The following MEGF9 variants were observed in gnomAD, a reference collection of about 807,000 sequenced individuals.
MEGF9 encodes multiple epidermal growth factor-like domains protein 9.
A neutral mutation model predicts 46.8 loss-of-function variants in MEGF9; 6 were observed. The ratio of observed to expected loss-of-function variants is 0.13; its 90% CI spans 0.07 to 0.25. The LOEUF (loss-of-function observed/expected upper bound fraction) is 0.25. Among genes scored for constraint, MEGF9 ranks in the 10% least tolerant of loss-of-function variants. The pLI is 1.00. For missense variants in MEGF9, 683 were observed against 792.4 expected (o/e 0.86, Z 1.66); for synonymous variants, 302 against 330.7 (o/e 0.91, Z 0.94).
chr9:120,607,346 C>T (rs2043423857), intron 5 of MEGF9, among the ~76,000 whole-genome samples: 1 of 152,208 alleles, frequency 6.6e-6, no homozygotes, highest in South Asian at 2.1e-4. Context: ...GAATGAACTC[C>T]AGCTTCTCAG....
chr9:120,674,623 C>T (rs1036566922), intron 1 of MEGF9, among the ~76,000 whole-genome samples: 3 of 152,116 alleles, frequency 2.0e-5, no homozygotes, highest in African/African-American at 2.4e-5. Context: ...GGCTGGAGTG[C>T]AGTGGCATGA....
chr9:120,709,990 G>A (rs2043945814), intron 1 of MEGF9, among the ~76,000 whole-genome samples: 1 of 143,392 alleles, frequency 7.0e-6, no homozygotes, highest in Non-Finnish European at 1.5e-5. Context: ...GGAGGTTGCA[G>A]TGAGCCAATC....
chr9:120,621,609 T>A (rs2043499558), intron 3 of MEGF9, among the ~76,000 whole-genome samples: 2 of 152,220 alleles, frequency 1.3e-5, no homozygotes, highest in Admixed American at 1.3e-4. Flanking sequence ...TTTAGTCAAG[T>A]CTTTCTAAGT....
chr9:120,634,689 A>G (rs1564416946), intron 2 of MEGF9, among the ~76,000 whole-genome samples: 3 of 151,998 alleles, frequency 2.0e-5, no homozygotes, highest in Admixed American at 1.3e-4. Flanking sequence ...CAGCCAGTCC[A>G]TATCTTTTAA....
intron 2 of MEGF9, among the ~76,000 whole-genome samples, chr9:120,648,119 C>T (rs2043633541): frequency 6.6e-6 from 1 of 151,924 alleles, no homozygotes; most frequent in Admixed American, 6.6e-5. Flanking sequence ...TTGCCTGAGC[C>T]CACTCTTTCT....
chr9:120,607,246 A>G (rs1344686318), intron 5 of MEGF9, among the ~76,000 whole-genome samples: 1 of 152,198 alleles, frequency 6.6e-6, no homozygotes, highest in Non-Finnish European at 1.5e-5. Context: ...TGCCATGTGG[A>G]TAACTTTTGC....
rs181844674 is a variant in MEGF9 at position 120,680,773 on chromosome 9, C to A, written c.602-21198G>T. Among the ~76,000 whole-genome samples, 388 of 152,146 alleles carry A rather than the reference C, an allele frequency of 2.6e-3. 1 individual carries two copies. Among genetic ancestry groups the A allele is most frequent in the Non-Finnish European group, 4.0e-3 (274 of 67,972 alleles). ...ACAATACAAAGTCCTTCTCACTCTT[C>A]CCCCCTTTCCACAGGCACAGGAGCC... is the stretch of plus-strand genomic sequence containing the variant. On this transcript the variant is annotated intron_variant, in intron 1 of 5. Coordinates refer to ENST00000373930, the MANE Select transcript of MEGF9 (RefSeq NM_001080497.3).
chr9:120,679,311 CAT>C (rs2043787755), intron 1 of MEGF9, among the ~76,000 whole-genome samples: 1 of 152,140 alleles, frequency 6.6e-6, no homozygotes, highest in African/African-American at 2.4e-5. Context: ...ATGATGAGTT[CAT>C]GTCCTTTGTA....
Position 120,602,562 on chromosome 9 carries a change from G to A in MEGF9, c.*2628C>T, listed in dbSNP as rs75066080. On this transcript the variant is annotated 3_prime_UTR_variant, in exon 6 of 6. Coordinates refer to ENST00000373930, the MANE Select transcript of MEGF9 (RefSeq NM_001080497.3). ...TCCCATTGAGAAAAATTATAACCAT[G>A]ATCTAGGAGCCATTAACAAGTATTT... The A allele has an allele frequency of 1.7e-3, 261 of 152,234 alleles. No individual in the cohort carries two copies. Among genetic ancestry groups the A allele is most frequent in the African/African-American group, 6.0e-3 (247 of 41,492 alleles). The allele number at this position is 152,234 out of a possible 1,614,324, so 9.4% of individuals were successfully genotyped here. A position where few individuals can be genotyped will look rare whatever the true frequency, so the allele number is the denominator to read the frequency against.
At chr9:120,704,396 T>C (rs1340587758) in intron 1 of MEGF9, among the ~76,000 whole-genome samples, 1 of 152,132 alleles carries the variant, frequency 6.6e-6, no homozygotes, top group Non-Finnish European at 1.5e-5. Context: ...TGATTCACCT[T>C]GTTATCTCCA....
rs2043396746 is a variant in MEGF9, at chr9:120,601,677, A to G, written c.*3513T>C. The G allele has an allele frequency of 6.6e-6, 1 of 152,206 alleles. No individual in the cohort carries two copies. Among genetic ancestry groups the G allele is most frequent in the Admixed American group, 6.5e-5 (1 of 15,286 alleles). The allele number at this position is 152,206 out of a possible 1,614,324, so 9.4% of individuals were successfully genotyped here. A position where few individuals can be genotyped will look rare whatever the true frequency, so the allele number is the denominator to read the frequency against. On this transcript the variant is annotated 3_prime_UTR_variant, in exon 6 of 6. Transcript: ENST00000373930. Reference sequence around the variant, plus strand: ...GGGAAGAGTAACGCACTAGGCCCACAGGACCTTAGTATTAATATAAATGAG... The same window carrying G: ...GGGAAGAGTAACGCACTAGGCCCACGGGACCTTAGTATTAATATAAATGAG...
At chr9:120,632,100 G>C (rs1446511936) in intron 2 of MEGF9, among the ~76,000 whole-genome samples, 1 of 152,096 alleles carries the variant, frequency 6.6e-6, no homozygotes, top group Non-Finnish European at 1.5e-5. Context: ...GCTAATTTTT[G>C]TATTTTTAGT....
intron 2 of MEGF9, among the ~76,000 whole-genome samples, chr9:120,647,145 T>G (rs2043629440): frequency 1.5e-5 from 2 of 135,950 alleles, no homozygotes; most frequent in Non-Finnish European, 3.1e-5. Flanking sequence ...TGGAAAAAAG[T>G]TTTTTTTTTT....
At chr9:120,650,264 G>C (rs1233156686) in intron 2 of MEGF9, among the ~76,000 whole-genome samples, 6 of 152,202 alleles carry the variant, frequency 3.9e-5, no homozygotes, top group Non-Finnish European at 8.8e-5. Context: ...AGGCATCCCT[G>C]ATAACATTTT....
At chr9:120,679,003 AG>A (rs1392130696) in intron 1 of MEGF9, among the ~76,000 whole-genome samples, 9 of 152,230 alleles carry the variant, frequency 5.9e-5, no homozygotes. Flanking sequence ...GTGGAGAAAT[AG>A]GAACACTTTT....
chr9:120,681,309 G>C (rs1587993939), intron 1 of MEGF9, among the ~76,000 whole-genome samples: 1 of 152,116 alleles, frequency 6.6e-6, no homozygotes, highest in Non-Finnish European at 1.5e-5. Flanking sequence ...CACAGGGTGT[G>C]TCTAGAAATG....
intron 2 of MEGF9, among the ~76,000 whole-genome samples, chr9:120,634,089 G>A (rs1017687668): frequency 3.3e-5 from 5 of 152,138 alleles, no homozygotes; most frequent in Admixed American, 1.3e-4. Flanking sequence ...TTCTGTCAAC[G>A]TCTGTTAGGT....
chr9:120,652,166 ACAC>A (rs2043653268), intron 2 of MEGF9, among the ~76,000 whole-genome samples: 10 of 41,092 alleles, frequency 2.4e-4, no homozygotes, highest in African/African-American at 7.3e-4. Context: ...ACACACACAC[ACAC>A]ACACACACAC....
chr9:120,629,804 G>A (rs917009401), intron 2 of MEGF9, among the ~76,000 whole-genome samples: 1 of 151,854 alleles, frequency 6.6e-6, no homozygotes, highest in Non-Finnish European at 1.5e-5. Context: ...GTGGTGGCAC[G>A]CACCTGTAGT....
Sources: allele counts gnomAD v4.1 joint callset (sites outside exome capture counted in the v4.1 genomes callset), GRCh38; gene constraint gnomAD v4.1.1; transcripts MANE v1.5; gene names NCBI Gene and HGNC (gene_info 2026-07-23, HGNC 2026-07-21).